The following CPA6 variants were observed in gnomAD, a reference collection of about 807,000 sequenced individuals.
CPA6 encodes carboxypeptidase B.
Under a neutral mutation model 63.3 loss-of-function variants are expected in CPA6, and 58 were observed. The observed-to-expected ratio is 0.92, with a 90% CI of 0.74 to 1.14. CPA6 has a LOEUF of 1.14. CPA6 is among the 50% of genes most tolerant of loss of function. The probability of loss-of-function intolerance (pLI) is 0.00; values close to 1 mark genes in which losing one functional copy is unlikely to be tolerated. For synonymous variants in CPA6, 185 were observed against 179.0 expected, an observed-to-expected ratio of 1.03 and a Z score of -0.27; for missense variants, 565 against 526.6, an observed-to-expected ratio of 1.07 and a Z score of -0.71.
intron 1 of CPA6, among the ~76,000 whole-genome samples, chr8:67,715,741 C>T (rs908383811): frequency 8.5e-5 from 13 of 152,058 alleles, no homozygotes; most frequent in South Asian, 2.1e-4. Flanking sequence ...TGGCCATTAA[C>T]GTAACAAAAT....
intron 1 of CPA6, among the ~76,000 whole-genome samples, chr8:67,701,828 A>G (rs983018517): frequency 1.3e-5 from 2 of 152,220 alleles, no homozygotes; most frequent in Non-Finnish European, 2.9e-5. Context: ...CTTCCTATAA[A>G]GAGCAGAATG....
intron 8 of CPA6, among the ~76,000 whole-genome samples, chr8:67,461,234 G>T (rs1293008999): frequency 2.1e-5 from 3 of 141,592 alleles, no homozygotes; most frequent in South Asian, 2.4e-4. Context: ...GTGTCCCTGG[G>T]TACTTGAGAT....
intron 1 of CPA6, among the ~76,000 whole-genome samples, chr8:67,633,697 A>G (rs944021035): frequency 6.6e-6 from 1 of 151,672 alleles, no homozygotes; most frequent in Non-Finnish European, 1.5e-5. Flanking sequence ...AAAAAAAAAA[A>G]ATCAATTTTC....
chr8:67,503,873 A>G (rs1037625648), intron 6 of CPA6, among the ~76,000 whole-genome samples: 3 of 152,040 alleles, frequency 2.0e-5, no homozygotes, highest in Admixed American at 6.6e-5. Flanking sequence ...CGCATGCATT[A>G]GGTATTTCTT....
At chr8:67,447,441 T>TC (rs1376758369) in intron 8 of CPA6, among the ~76,000 whole-genome samples, 1 of 151,668 alleles carries the variant, frequency 6.6e-6, no homozygotes, top group East Asian at 2.0e-4. Context: ...TACATCTGAG[T>TC]GCTTTTATTT....
At chr8:67,720,752 C>T (rs1255652500) in intron 1 of CPA6, among the ~76,000 whole-genome samples, 1 of 152,158 alleles carries the variant, frequency 6.6e-6, no homozygotes, top group Non-Finnish European at 1.5e-5. Flanking sequence ...TGAAACATGG[C>T]TCACTTTTAA....
chr8:67,601,483 C>A (rs1015416327), intron 2 of CPA6, among the ~76,000 whole-genome samples: 1 of 152,100 alleles, frequency 6.6e-6, no homozygotes, highest in African/African-American at 2.4e-5. Context: ...ATATGCCACA[C>A]AGAATTGTTT....
At position 67,746,173 on chromosome 8, in the gene CPA6, C is replaced by A. The variant is rs773789263; in HGVS notation, c.-44G>T. ...GTTGAAAGTTACTTAAGCAGCCACC[C>A]GAGGCTGGAGGTGGCTCACAGCACC... On this transcript the variant is annotated 5_prime_UTR_variant, in exon 1 of 11. Coordinates refer to ENST00000297770, the MANE Select transcript of CPA6 (RefSeq NM_020361.5). 4.0e-6 allele frequency: 6 copies of A among 1,485,772 alleles called. No homozygotes were observed. The highest frequency in any genetic ancestry group is 1.2e-5 in the South Asian group (1 of 82,324). The allele number at this position is 1,485,772 out of a possible 1,614,324, so 92.0% of individuals were successfully genotyped here. A position where few individuals can be genotyped will look rare whatever the true frequency, so the allele number is the denominator to read the frequency against.
At chr8:67,583,721 T>C (rs986561365) in intron 2 of CPA6, among the ~76,000 whole-genome samples, 1 of 152,098 alleles carries the variant, frequency 6.6e-6, no homozygotes, top group Non-Finnish European at 1.5e-5. Context: ...ATGCTAGCGA[T>C]TGTTAGGCGC....
At position 67,651,988 on chromosome 8, in the gene CPA6, C is replaced by T. The variant is rs370392924; in HGVS notation, c.117-27737G>A. Reference sequence around the variant, plus strand: ...ATTCCCACCTATGAGTGAGAACATGCGGTGTTTGTTTTTTTGTCCTTGGTG... The same window carrying T: ...ATTCCCACCTATGAGTGAGAACATGTGGTGTTTGTTTTTTTGTCCTTGGTG... On this transcript the variant is annotated intron_variant, in intron 1 of 10. Transcript: ENST00000297770. Among the ~76,000 whole-genome samples, 31 of 151,626 alleles carry T rather than the reference C, an allele frequency of 2.0e-4. 1 individual carries two copies. Among genetic ancestry groups the T allele is most frequent in the South Asian group, 6.3e-4 (3 of 4,792 alleles).
At chr8:67,714,450 T>G (rs533082530) in intron 1 of CPA6, among the ~76,000 whole-genome samples, 1 of 152,326 alleles carries the variant, frequency 6.6e-6, no homozygotes, top group African/African-American at 2.4e-5. Context: ...AAGCTTAAAT[T>G]GCAATCCTAG....
chr8:67,658,433 A>G (rs984485919), intron 1 of CPA6, among the ~76,000 whole-genome samples: 1 of 152,156 alleles, frequency 6.6e-6, no homozygotes, highest in Non-Finnish European at 1.5e-5. Flanking sequence ...TAATTTACAA[A>G]ATCAGCTTCC....
chr8:67,675,027 G>C (rs888107551), intron 1 of CPA6, among the ~76,000 whole-genome samples: 5 of 152,130 alleles, frequency 3.3e-5, no homozygotes, highest in Non-Finnish European at 5.9e-5. Context: ...ACTAGAGGGA[G>C]GGAGCAGGGG....
intron 7 of CPA6, among the ~76,000 whole-genome samples, chr8:67,484,226 C>T (rs921612582): frequency 1.3e-5 from 2 of 152,112 alleles, no homozygotes; most frequent in African/African-American, 4.8e-5. Flanking sequence ...CCCGCCACCG[C>T]GCCCGGCTAA....
chr8:67,509,700 A>G, intron 4 of CPA6, 82 bp from the exon 5 acceptor site: 2 of 666,918 alleles, frequency 3.0e-6, no homozygotes, highest in South Asian at 2.2e-5. Flanking sequence ...CAAAAAGACA[A>G]CAGTAGTTCT....
At chr8:67,734,662 C>T (rs557344643) in intron 1 of CPA6, among the ~76,000 whole-genome samples, 1 of 152,246 alleles carries the variant, frequency 6.6e-6, no homozygotes, top group Admixed American at 6.5e-5. Context: ...ACAGGCTCAT[C>T]CCAAATGCCT....
intron 10 of CPA6, among the ~76,000 whole-genome samples, chr8:67,424,397 A>G (rs560027532): frequency 1.3e-3 from 204 of 152,028 alleles, no homozygotes; most frequent in African/African-American, 4.6e-3. Context: ...TGATTGCCCC[A>G]TTGCCTCCTC....
intron 1 of CPA6, among the ~76,000 whole-genome samples, chr8:67,649,106 ATTTT>A (rs970164774): frequency 2.0e-4 from 30 of 149,716 alleles, no homozygotes; most frequent in African/African-American, 7.4e-4. Context: ...AAGGCATTGG[ATTTT>A]TTTTTTCATG....
intron 1 of CPA6, among the ~76,000 whole-genome samples, chr8:67,650,036 G>T (rs1019309160): frequency 6.6e-6 from 1 of 152,128 alleles, no homozygotes; most frequent in Non-Finnish European, 1.5e-5. Flanking sequence ...ACCTGGATCT[G>T]CCCTTTCCTT....
Sources: allele counts gnomAD v4.1 joint callset (sites outside exome capture counted in the v4.1 genomes callset), GRCh38; gene constraint gnomAD v4.1.1; transcripts MANE v1.5; gene names NCBI Gene and HGNC (gene_info 2026-07-23, HGNC 2026-07-21).